WNT11: variants seen among roughly 807,000 people sequenced by gnomAD.
The protein encoded by WNT11 is protein Wnt-11.
A neutral mutation model predicts 35.6 loss-of-function variants in WNT11; 20 were observed. The observed-to-expected ratio is 0.56, with a 90% CI of 0.40 to 0.82. The LOEUF (loss-of-function observed/expected upper bound fraction) is 0.82, where lower values mean the gene tolerates loss of function less well. Among genes scored for constraint, WNT11 ranks in the 40% least tolerant of loss-of-function variants. WNT11 has a pLI of 0.00. For missense variants in WNT11, 459 were observed against 504.4 expected (o/e 0.91, Z 0.86); for synonymous variants, 200 against 211.9 (o/e 0.94, Z 0.49).
At chr11:76,202,617 C>T (rs1953398878) in intron 1 of WNT11, among the ~76,000 whole-genome samples, 1 of 152,188 alleles carries the variant, frequency 6.6e-6, no homozygotes, top group African/African-American at 2.4e-5. Context: ...CCTCAATTAA[C>T]TCTTCAATTA....
At chr11:76,191,227 G>A (rs1953179298) in intron 4 of WNT11, among the ~76,000 whole-genome samples, 2 of 152,136 alleles carry the variant, frequency 1.3e-5, no homozygotes, top group Admixed American at 6.5e-5. Flanking sequence ...CCTATCTTAC[G>A]TTGGGCAGCC....
intron 1 of WNT11, among the ~76,000 whole-genome samples, chr11:76,197,369 A>G (rs1953304940): frequency 6.6e-6 from 1 of 152,316 alleles, no homozygotes; most frequent in East Asian, 1.9e-4. Context: ...AGACTTGGCC[A>G]TTAACTTGTT....
Position 76,206,359 on chromosome 11 carries a change from G to T in WNT11, c.49C>A (p.Leu17Ile). 6.4e-7 allele frequency: 1 copy of T among 1,571,268 alleles called. No individual in the cohort carries two copies. ...VCEALLFALA[L>I]QTGVCYGIKW... ...ATGCCATAGCACACGCCGGTCTGGA[G>T]CGCCAGGGCGAAGAGCAGCGCCTCG... The change falls in exon 1 of 5, where the codon CTC becomes ATC. Residue 17 changes from leucine (L) to isoleucine (I), a missense_variant. Transcript: ENST00000322563.
intron 1 of WNT11, among the ~76,000 whole-genome samples, chr11:76,201,115 G>T (rs1353264714): frequency 6.6e-6 from 1 of 152,204 alleles, no homozygotes; most frequent in Non-Finnish European, 1.5e-5. Context: ...ATCCTCCCCA[G>T]AAGGCTCAGG....
Position 76,186,487 on chromosome 11 carries a change from T to C in WNT11, c.*578A>G, listed in dbSNP as rs1953094409. The C allele has an allele frequency of 6.7e-6, 1 of 148,708 alleles. No individual in the cohort carries two copies. Among genetic ancestry groups the C allele is most frequent in the African/African-American group, 2.4e-5 (1 of 40,836 alleles). The allele number at this position is 148,708 out of a possible 1,614,324, so 9.2% of individuals were successfully genotyped here. A position where few individuals can be genotyped will look rare whatever the true frequency, so the allele number is the denominator to read the frequency against. On this transcript the variant is annotated 3_prime_UTR_variant, in exon 5 of 5. Transcript: ENST00000322563. ...ATAGAGATCATTATATATATACATA[T>C]ATATTTATATATATAAAATATATAA...
At position 76,194,635 on chromosome 11, in the gene WNT11, T is replaced by C; in HGVS notation, c.529A>G (p.Lys177Glu). ...GCTTGGGATCCTGTTTTTTTCACCT[T>C]CATAGGAGCATCGGAAAACTTGGCC... is the stretch of plus-strand genomic sequence containing the variant. ...MGAKFSDAPM[K>E]VKKTGSQANK... Residue 177 changes from lysine to glutamate, a missense_variant, in exon 3 of 5, where the codon AAG becomes GAG. Transcript: ENST00000322563. This position sits in a 1 kb window ranked among gnomAD's most constrained non-coding sequence, Gnocchi z 5.4. 6.4e-7 allele frequency: 1 copy of C among 1,550,624 alleles called. No individual in the cohort carries two copies. The highest frequency in any genetic ancestry group is 2.0e-5 in the Admixed American group (1 of 51,002).
chr11:76,188,942 G>GAGAA (rs1235100954), intron 4 of WNT11, among the ~76,000 whole-genome samples: 29 of 152,234 alleles, frequency 1.9e-4, no homozygotes, highest in African/African-American at 7.0e-4. Context: ...AGTGCTGGGG[G>GAGAA]AGAGGCCAGG....
intron 1 of WNT11, among the ~76,000 whole-genome samples, chr11:76,200,162 T>C (rs1555007051): frequency 6.6e-6 from 1 of 150,920 alleles, no homozygotes; most frequent in Non-Finnish European, 1.5e-5. Context: ...ACTCGCCCTG[T>C]GTAAGATCAA....
intron 1 of WNT11, among the ~76,000 whole-genome samples, chr11:76,203,341 G>C (rs1175074583): frequency 6.6e-6 from 1 of 152,214 alleles, no homozygotes; most frequent in Non-Finnish European, 1.5e-5. Context: ...TGGCCCTCTA[G>C]AGCCTCCTGG....
chr11:76,192,988 A>G (rs1445160944), intron 3 of WNT11, among the ~76,000 whole-genome samples: 1 of 152,126 alleles, frequency 6.6e-6, no homozygotes, highest in African/African-American at 2.4e-5. Flanking sequence ...TTAGTGGGGG[A>G]GCTGGCCAAG....
At chr11:76,201,423 T>C (rs527334869) in intron 1 of WNT11, among the ~76,000 whole-genome samples, 1 of 152,294 alleles carries the variant, frequency 6.6e-6, no homozygotes, top group African/African-American at 2.4e-5. Context: ...TAAATCCCCC[T>C]TGGGGAGGTA....
At chr11:76,196,359 A>C (rs1953285787) in intron 2 of WNT11, 124 bp downstream of exon 2, 2 of 1,119,964 alleles carry the variant, frequency 1.8e-6, no homozygotes, top group African/African-American at 3.1e-5. Context: ...TCCACCCGTC[A>C]TTCATCCATG....
chr11:76,206,336 G>A lies in WNT11; in HGVS notation c.72C>T (p.Gly24=), dbSNP rs748490456. The A allele has an allele frequency of 1.9e-6, 3 of 1,567,476 alleles. No homozygotes were observed. The highest frequency in any genetic ancestry group is 1.2e-5 in the South Asian group (1 of 84,456). The part of the protein sequence containing the change: ...ALALQTGVCY[G]IKWLALSKTP... ...GGGTCCCTACTCACAGCCACTTGAT[G>A]CCATAGCACACGCCGGTCTGGAGCG... The change falls in exon 1 of 5, where the codon GGC becomes GGT. Residue 24 remains glycine, a synonymous_variant. Coordinates refer to ENST00000322563, the MANE Select transcript of WNT11 (RefSeq NM_004626.3).
upstream of WNT11, chr11:76,206,550 G>A: frequency 3.3e-6 from 4 of 1,219,620 alleles, no homozygotes; most frequent in South Asian, 1.1e-4. Flanking sequence ...GCGGGCGGGG[G>A]AGGCGTTTTA....
intron 2 of WNT11, among the ~76,000 whole-genome samples, chr11:76,196,262 C>A (rs761332459): frequency 2.6e-4 from 39 of 152,240 alleles, no homozygotes; most frequent in Non-Finnish European, 4.8e-4. Context: ...CGCCACTCAT[C>A]TGTGTTTACT....
upstream of WNT11, among the ~76,000 whole-genome samples, chr11:76,208,992 G>A (rs1022431163): frequency 2.0e-5 from 3 of 152,208 alleles, no homozygotes; most frequent in Non-Finnish European, 4.4e-5. Flanking sequence ...CGAGGAGGGG[G>A]GAATCGCGGC....
chr11:76,195,134 T>G (rs1157754865), intron 2 of WNT11: 9 of 444,716 alleles, frequency 2.0e-5, no homozygotes, highest in Non-Finnish European at 3.6e-5. Flanking sequence ...CATTAGGGGA[T>G]GCTTTACAGT....
intron 4 of WNT11, among the ~76,000 whole-genome samples, chr11:76,188,406 G>C (rs1296004201): frequency 1.3e-5 from 2 of 152,290 alleles, no homozygotes; most frequent in Non-Finnish European, 2.9e-5. Flanking sequence ...GGGATGCGAA[G>C]ACATTGAAGG....
rs1267495644 is a variant in WNT11, at chr11:76,194,974, C to T, written c.320-130G>A. The T allele has an allele frequency of 8.8e-7, 1 of 1,142,536 alleles. No individual in the cohort carries two copies. The highest frequency in any genetic ancestry group is 2.9e-5 in the Admixed American group (1 of 34,254). 70.8% of individuals were successfully genotyped at this position (1,142,536 alleles called of 1,614,324 possible). ...CGCCAGCAGGGGTCGGCACTAGGGC[C>T]ATTGAGATGTCACCCCTGCTTCCCC... On this transcript the variant is annotated intron_variant, in intron 2 of 4. Transcript: ENST00000322563. This position sits in a 1 kb window ranked among gnomAD's most constrained non-coding sequence, Gnocchi z 5.4.
Sources: allele counts gnomAD v4.1 joint callset (sites outside exome capture counted in the v4.1 genomes callset), GRCh38; gene constraint gnomAD v4.1.1; non-coding constraint Gnocchi (gnomAD v3.1); transcripts MANE v1.5; gene names NCBI Gene and HGNC (gene_info 2026-07-23, HGNC 2026-07-21).